The following NUGGC variants were observed in gnomAD, a reference collection of about 807,000 sequenced individuals.
NUGGC encodes the protein nuclear GTPase, germinal center associated, also known as nuclear GTPase SLIP-GC.
A neutral mutation model predicts 92.6 loss-of-function variants in NUGGC; 58 were observed. That is an observed-to-expected ratio of 0.63 (90% CI 0.51 to 0.78). NUGGC has a LOEUF of 0.78. Ranked by LOEUF, NUGGC falls within the 30% of genes least tolerant of loss-of-function variation. The pLI is 0.00. For synonymous variants in NUGGC, 376 were observed against 366.4 expected (o/e 1.03, Z -0.30); for missense variants, 925 against 964.6 (o/e 0.96, Z 0.54).
At chr8:28,062,433 T>C (rs1810329344) in intron 7 of NUGGC, among the ~76,000 whole-genome samples, 1 of 149,062 alleles carries the variant, frequency 6.7e-6, no homozygotes, top group African/African-American at 2.5e-5. Flanking sequence ...CTGGGCAATA[T>C]GGTAAAATCT....
chr8:28,071,864 A>T (rs1182425850), intron 2 of NUGGC, among the ~76,000 whole-genome samples: 1 of 152,160 alleles, frequency 6.6e-6, no homozygotes, highest in African/African-American at 2.4e-5. Context: ...CAAGAATCAC[A>T]GGGAGGCCAT....
At chr8:28,040,334 C>T (rs898969176) in intron 13 of NUGGC, among the ~76,000 whole-genome samples, 4 of 152,144 alleles carry the variant, frequency 2.6e-5, no homozygotes, top group African/African-American at 9.7e-5. Flanking sequence ...AAGATGTTTC[C>T]TCATTGTGTA....
At position 28,067,552 on chromosome 8, in the gene NUGGC, T is replaced by A. The variant is rs1563229605; in HGVS notation, c.673A>T (p.Ile225Phe). 6.2e-7 allele frequency: 1 copy of A among 1,612,652 alleles called. No individual in the cohort carries two copies. Among genetic ancestry groups the A allele is most frequent in the Admixed American group, 1.7e-5 (1 of 59,808 alleles). ...AGGGTGATGACTCTGGAGGTGGGGA[T>A]CTTCCTTTTGGGCTTCGCCCTCAGT... Reference protein sequence around the residue: ...ELLRAKPKRKIPTSRVITLKA... With the variant: ...ELLRAKPKRKFPTSRVITLKA... Residue 225 changes from isoleucine (I) to phenylalanine (F), a missense_variant, in exon 6 of 19, where the codon ATC (isoleucine) becomes TTC (phenylalanine). Physicochemically the swap from Ile to Phe is conservative, Grantham distance 21. Coordinates refer to ENST00000413272, the MANE Select transcript of NUGGC (RefSeq NM_001010906.2).
In NUGGC at chr8:28,074,418, T is replaced by TA; in HGVS notation, c.-9dup. ...ATCCTTCGTTTCTGCCATTCCTTGT[T>TA]ACGTGAACTCCTGCTCTTCTCAGTT... On this transcript the variant is annotated 5_prime_UTR_variant, in exon 2 of 19. Coordinates refer to ENST00000413272, the MANE Select transcript of NUGGC (RefSeq NM_001010906.2). 1 of 1,613,750 alleles carries TA rather than the reference T, an allele frequency of 6.2e-7. No individual in the cohort carries two copies. The highest frequency in any genetic ancestry group is 8.5e-7 in the Non-Finnish European group (1 of 1,179,754).
At chr8:28,062,898 C>T (rs1810341008) in intron 7 of NUGGC, among the ~76,000 whole-genome samples, 1 of 152,152 alleles carries the variant, frequency 6.6e-6, no homozygotes, top group Admixed American at 6.6e-5. Flanking sequence ...GTTAGTGTCG[C>T]AGAAGATACA....
Position 28,074,475 on chromosome 8 carries a change from AAGACAGGTGGG to A in NUGGC, c.-46-30_-46-20del. The A allele has an allele frequency of 6.4e-7, 1 of 1,559,796 alleles. No homozygotes were observed. The highest frequency in any genetic ancestry group is 8.8e-7 in the Non-Finnish European group (1 of 1,133,840). On this transcript the variant is annotated intron_variant, in intron 1 of 18. Transcript: ENST00000413272. ...AACCAGCCTGTGAAGACAAAGTACA[AAGACAGGTGGG>A]GCAGCGGAATTTGAAAATACAGAAA...
chr8:28,045,578 G>C lies in NUGGC; in HGVS notation c.1395C>G (p.Ala465=), dbSNP rs773578038. The C allele has an allele frequency of 1.9e-6, 3 of 1,613,078 alleles. No individual in the cohort carries two copies. Among genetic ancestry groups the C allele is most frequent in the Non-Finnish European group, 2.5e-6 (3 of 1,179,790 alleles). The part of the protein sequence containing the change: ...KRTVTKYVTE[A]FGLLLLTDSF... Reference sequence around the variant, plus strand: ...TATCTGTGAGGAGCAACAGGCCAAAGGCTTCAGTCACATACTTGGTCACTG... The same window carrying C: ...TATCTGTGAGGAGCAACAGGCCAAACGCTTCAGTCACATACTTGGTCACTG... The change falls in exon 12 of 19, where the codon GCC becomes GCG. Residue 465 remains alanine, a synonymous_variant. Transcript: ENST00000413272.
intron 1 of NUGGC, among the ~76,000 whole-genome samples, chr8:28,079,360 T>C (rs576950616): frequency 7.2e-5 from 11 of 152,052 alleles, no homozygotes; most frequent in Non-Finnish European, 1.3e-4. Flanking sequence ...ACCAGCATGG[T>C]GAAACCCCAT....
intron 16 of NUGGC, 30 bp downstream of exon 16, chr8:28,030,280 G>T: frequency 8.3e-7 from 1 of 1,210,542 alleles, no homozygotes. Context: ...TCCCAGAGCA[G>T]GCAGAAATGC....
intron 10 of NUGGC, 63 bp from the exon 11 acceptor site, chr8:28,047,675 C>T: frequency 7.9e-6 from 8 of 1,014,546 alleles, no homozygotes; most frequent in Non-Finnish European, 1.2e-5. Context: ...CAATCATGCA[C>T]AGGACCCACA....
intron 1 of NUGGC, among the ~76,000 whole-genome samples, chr8:28,075,173 C>A (rs1441652025): frequency 6.6e-6 from 1 of 152,090 alleles, no homozygotes; most frequent in Non-Finnish European, 1.5e-5. Context: ...TCCTAGAGTT[C>A]CCTGGAGTTG....
chr8:28,037,275 C>T (rs1809578423), intron 13 of NUGGC, among the ~76,000 whole-genome samples: 1 of 152,202 alleles, frequency 6.6e-6, no homozygotes, highest in African/African-American at 2.4e-5. Context: ...AACTCTTCAA[C>T]CTGGTCTAAA....
Position 28,023,342 on chromosome 8 carries a change from G to C in NUGGC, c.2366C>G (p.Ala789Gly). The change falls in exon 19 of 19, where the codon GCT becomes GGT. Residue 789 changes from alanine to glycine, a missense_variant. Physicochemically the swap from Ala to Gly is moderately conservative, Grantham distance 60. Coordinates refer to ENST00000413272, the MANE Select transcript of NUGGC (RefSeq NM_001010906.2). ...EFLLRASPSK[A>G]GPPGTSL ...TTACAGTGATGTCCCGGGGGGGCCA[G>C]CCTTGCTGGGGGATGCCCTTAGGAG... is the stretch of plus-strand genomic sequence containing the variant. 4 of 1,613,828 alleles carry C rather than the reference G, an allele frequency of 2.5e-6. No individual in the cohort carries two copies. Among genetic ancestry groups the C allele is most frequent in the Non-Finnish European group, 3.4e-6 (4 of 1,179,812 alleles).
At chr8:28,027,219 C>T (rs1218436891) in intron 17 of NUGGC, among the ~76,000 whole-genome samples, 167 bp from the exon 18 acceptor site, 4 of 152,202 alleles carry the variant, frequency 2.6e-5, no homozygotes, top group Admixed American at 1.3e-4. Flanking sequence ...TTCAAGGACA[C>T]CAAATGGCCC....
chr8:28,067,568 C>A lies in NUGGC; in HGVS notation c.657G>T (p.Ala219=), dbSNP rs372445724. The A allele has an allele frequency of 6.2e-7, 1 of 1,613,204 alleles. No homozygotes were observed. The highest frequency in any genetic ancestry group is 1.7e-5 in the Admixed American group (1 of 59,900). ...ESKNYEELLR[A]KPKRKIPTSR... ...AGGTGGGGATCTTCCTTTTGGGCTTCGCCCTCAGTAACTCCTCATAGTTCT... is the reference window on the plus strand; with the variant it reads ...AGGTGGGGATCTTCCTTTTGGGCTTAGCCCTCAGTAACTCCTCATAGTTCT... Residue 219 remains alanine (A), a synonymous_variant, in exon 6 of 19, where the codon GCG becomes GCT. Transcript: ENST00000413272.
Position 28,032,684 on chromosome 8 carries a change from C to G in NUGGC, c.1769+856G>C, listed in dbSNP as rs189861229. Among the ~76,000 whole-genome samples, 1,201 of 149,244 alleles carry G rather than the reference C, an allele frequency of 8.0e-3. 14 individuals are homozygous for G. Among genetic ancestry groups the G allele is most frequent in the African/African-American group, 0.028 (1,114 of 40,398 alleles). On this transcript the variant is annotated intron_variant, in intron 14 of 18. Coordinates refer to ENST00000413272, the MANE Select transcript of NUGGC (RefSeq NM_001010906.2). ...AATGAGCTGAGATCGCGCCACTGCA[C>G]CACTCCAGCCTGGGCGACAGAGCGA...
intron 7 of NUGGC, 132 bp from the exon 8 acceptor site, chr8:28,060,733 A>G: frequency 2.9e-6 from 2 of 685,274 alleles, no homozygotes; most frequent in Admixed American, 3.0e-5. Context: ...CACTCTGTGC[A>G]CTAGCTGGAC....
At chr8:28,082,595 A>T (rs539207086) in intron 1 of NUGGC, among the ~76,000 whole-genome samples, 1 of 152,320 alleles carries the variant, frequency 6.6e-6, no homozygotes, top group Non-Finnish European at 1.5e-5. Flanking sequence ...TGGCCTTTTT[A>T]CATAGCCTTA....
chr8:28,055,347 G>T (rs1810105661), intron 10 of NUGGC, among the ~76,000 whole-genome samples: 1 of 152,144 alleles, frequency 6.6e-6, no homozygotes, highest in Admixed American at 6.6e-5. Context: ...AGTGTGACCT[G>T]GCATCTTTCC....
Sources: allele counts gnomAD v4.1 joint callset (sites outside exome capture counted in the v4.1 genomes callset), GRCh38; gene constraint gnomAD v4.1.1; transcripts MANE v1.5; gene names NCBI Gene and HGNC (gene_info 2026-07-23, HGNC 2026-07-21).